BCR: variants seen among roughly 807,000 people sequenced by gnomAD.
The protein encoded by BCR is breakpoint cluster region protein.
A neutral mutation model predicts 138.6 loss-of-function variants in BCR; 58 were observed. That is an observed-to-expected ratio of 0.42 (90% confidence interval 0.34 to 0.52). BCR has a LOEUF of 0.52. Ranked by LOEUF, BCR falls within the 20% of genes least tolerant of loss-of-function variation. The pLI is 0.06. For synonymous variants in BCR, 786 were observed against 730.1 expected, an observed-to-expected ratio of 1.08 and a Z score of -1.23; for missense variants, 1,599 against 1,727.2, an observed-to-expected ratio of 0.93 and a Z score of 1.32.
intron 19 of BCR, 166 bp downstream of exon 19, chr22:23,312,002 G>T (rs893126604): frequency 2.9e-6 from 4 of 1,356,582 alleles, no homozygotes; most frequent in Non-Finnish European, 3.9e-6. Flanking sequence ...TGTAGAAAAA[G>T]CCTCTGTAGA....
Position 23,181,192 on chromosome 22 carries a change from C to A in BCR, c.232C>A (p.Arg78=). Reference sequence around the variant, plus strand: ...CTATGACCGGCAGCGATGGGGCTTCCGGCGCGCGGCGCAGGCCCCCGACGG... The same window carrying A: ...CTATGACCGGCAGCGATGGGGCTTCAGGCGCGCGGCGCAGGCCCCCGACGG... ...KSYDRQRWGF[R]RAAQAPDGAS... Residue 78 remains arginine (R), a synonymous_variant, in exon 1 of 23, where the codon CGG becomes AGG. Transcript: ENST00000305877. 4 of 1,322,536 alleles carry A rather than the reference C, an allele frequency of 3.0e-6. No homozygotes were observed. Among genetic ancestry groups the A allele is most frequent in the Non-Finnish European group, 3.9e-6 (4 of 1,014,436 alleles). The allele number at this position is 1,322,536 out of a possible 1,614,324, so 81.9% of individuals were successfully genotyped here.
At chr22:23,216,959 C>A (rs77751661) in intron 1 of BCR, 1 of 409,094 alleles carries the variant, frequency 2.4e-6, no homozygotes. Flanking sequence ...TACAGTGTGT[C>A]GCAAGTCTTG....
intron 1 of BCR, among the ~76,000 whole-genome samples, chr22:23,243,141 T>C (rs1011183421): frequency 1.6e-4 from 25 of 152,136 alleles, no homozygotes; most frequent in African/African-American, 5.3e-4. Flanking sequence ...GATGGGGTGA[T>C]AGGAGCATCT....
At chr22:23,244,288 A>G (rs2073130389) in intron 1 of BCR, among the ~76,000 whole-genome samples, 1 of 152,196 alleles carries the variant, frequency 6.6e-6, no homozygotes, top group Non-Finnish European at 1.5e-5. Context: ...CTCATCTCAA[A>G]GCCTTTAACT....
intron 6 of BCR, among the ~76,000 whole-genome samples, chr22:23,272,235 T>G (rs1297758481): frequency 2.0e-5 from 3 of 152,186 alleles, no homozygotes; most frequent in Admixed American, 6.5e-5. Flanking sequence ...GCTGGGAAAG[T>G]GCTGTCAGGA....
intron 19 of BCR, 26 bp from the exon 20 acceptor site, chr22:23,312,861 C>G (rs1409377165): frequency 6.3e-7 from 1 of 1,595,792 alleles, no homozygotes. Flanking sequence ...CTCAAGGAGG[C>G]CGCTGCATTT....
chr22:23,264,239 C>T, intron 4 of BCR: 1 of 995,872 alleles, frequency 1.0e-6, no homozygotes, highest in African/African-American at 1.6e-5. Flanking sequence ...CCTGCCCGCA[C>T]ACCTTCCCGC....
chr22:23,261,133 C>G, intron 3 of BCR, 79 bp downstream of exon 3: 6 of 1,438,760 alleles, frequency 4.2e-6, no homozygotes, highest in Non-Finnish European at 5.8e-6. Flanking sequence ...CCCTTAAGTC[C>G]CAGGTCAGCT....
At chr22:23,240,334 TG>T (rs1361790473) in intron 1 of BCR, among the ~76,000 whole-genome samples, 288 of 151,964 alleles carry the variant, frequency 1.9e-3, no homozygotes, top group Non-Finnish European at 1.1e-3. Flanking sequence ...TGTGTGTGTG[TG>T]TGTGTGTGTC....
intron 1 of BCR, among the ~76,000 whole-genome samples, chr22:23,208,231 G>A (rs146782534): frequency 2.6e-5 from 4 of 152,122 alleles, no homozygotes; most frequent in Non-Finnish European, 5.9e-5. Flanking sequence ...GAACCCACCC[G>A]GCTGGCAGTG....
In BCR at chr22:23,243,135, G is replaced by A. The variant is rs552556004; in HGVS notation, c.1280-10664G>A. ...AATCATTGTAATTTCCTGAACGATGGGGTGATAGGAGCATCTTTTGTTATT... is the reference window on the plus strand; with the variant it reads ...AATCATTGTAATTTCCTGAACGATGAGGTGATAGGAGCATCTTTTGTTATT... On this transcript the variant is annotated intron_variant, in intron 1 of 22. Transcript: ENST00000305877. 6 of 245,032 alleles carry A rather than the reference G, an allele frequency of 2.4e-5. No individual in the cohort carries two copies. The East Asian group carries it at 7.6e-4, about 31-fold the overall frequency. The allele number at this position is 245,032 out of a possible 1,614,324, so 15.2% of individuals were successfully genotyped here.
chr22:23,284,269 G>A (rs531138935), intron 9 of BCR, among the ~76,000 whole-genome samples, 171 bp downstream of exon 9: 1 of 152,074 alleles, frequency 6.6e-6, no homozygotes, highest in African/African-American at 2.4e-5. Context: ...ATCTGGAGAC[G>A]TCATGGGGCA....
intron 5 of BCR, 115 bp from the exon 6 acceptor site, chr22:23,271,417 G>T: frequency 9.7e-7 from 1 of 1,034,208 alleles, no homozygotes; most frequent in South Asian, 1.4e-5. Context: ...AGCTCAGAAT[G>T]CACCTGGGGT....
chr22:23,207,009 A>G (rs2072624697), intron 1 of BCR, among the ~76,000 whole-genome samples: 1 of 128,024 alleles, frequency 7.8e-6, no homozygotes, highest in South Asian at 2.6e-4. Flanking sequence ...ACATCCAGCC[A>G]ACCATCCATC....
chr22:23,233,816 A>G (rs2072989608), intron 1 of BCR, among the ~76,000 whole-genome samples: 1 of 151,072 alleles, frequency 6.6e-6, no homozygotes, highest in African/African-American at 2.4e-5. Context: ...AAAAAAAGAA[A>G]AAAAAAAAGA....
chr22:23,299,868 G>C (rs953226590), intron 16 of BCR, among the ~76,000 whole-genome samples: 6 of 152,168 alleles, frequency 3.9e-5, no homozygotes, highest in African/African-American at 1.4e-4. Flanking sequence ...CCACCACGCT[G>C]TGCATGTGCC....
At chr22:23,227,477 C>G (rs545230371) in intron 1 of BCR, among the ~76,000 whole-genome samples, 5 of 152,204 alleles carry the variant, frequency 3.3e-5, no homozygotes, top group African/African-American at 4.8e-5. Context: ...GGAAGAACAT[C>G]TTGACTGTAA....
intron 16 of BCR, among the ~76,000 whole-genome samples, chr22:23,303,416 C>T (rs1028925005): frequency 3.9e-5 from 6 of 152,190 alleles, no homozygotes; most frequent in African/African-American, 1.2e-4. Context: ...CTGAGGGCCA[C>T]GTAGGTCTTG....
rs781015000 is a variant in BCR, at chr22:23,288,077, GTTC to G, written c.2527-14_2527-12del. 2 of 1,613,146 alleles carry G rather than the reference GTTC, an allele frequency of 1.2e-6. No individual in the cohort carries two copies. The highest frequency in any genetic ancestry group is 1.1e-5 in the South Asian group (1 of 91,066). Reference sequence around the variant, plus strand: ...AGCCAGGGCGGAGATAACTGGGTGTGTTCTTCTTGCCCACCCTAGAGTTACACG... The same window carrying G: ...AGCCAGGGCGGAGATAACTGGGTGTGTTCTTGCCCACCCTAGAGTTACACG... On this transcript the variant is annotated splice_polypyrimidine_tract_variant and intron_variant, in intron 11 of 22. Transcript: ENST00000305877.
Sources: allele counts gnomAD v4.1 joint callset (sites outside exome capture counted in the v4.1 genomes callset), GRCh38; gene constraint gnomAD v4.1.1; transcripts MANE v1.5; gene names NCBI Gene and HGNC (gene_info 2026-07-23, HGNC 2026-07-21).